GBF1: variants seen among roughly 807,000 people sequenced by gnomAD.
GBF1 encodes the protein Golgi-specific brefeldin A-resistance guanine nucleotide exchange factor 1.
GBF1 carries 114 observed loss-of-function variants against 210.5 expected under a neutral mutation model. That is an observed-to-expected ratio of 0.54 (90% CI 0.47 to 0.63). The LOEUF is 0.63. Ranked by LOEUF, GBF1 falls within the 30% of genes least tolerant of loss-of-function variation. The pLI, the probability that GBF1 is intolerant of heterozygous loss-of-function variation, is 0.00. For synonymous variants in GBF1, 850 were observed against 889.2 expected (o/e 0.96, Z 0.78); for missense variants, 1,851 against 2,357.7 (o/e 0.79, Z 4.45).
At chr10:102,289,394 G>C (rs899995212) in intron 3 of GBF1, among the ~76,000 whole-genome samples, 1 of 152,176 alleles carries the variant, frequency 6.6e-6, no homozygotes, top group African/African-American at 2.4e-5. Flanking sequence ...GAGAACAGGG[G>C]TGAGGTTGTT....
chr10:102,316,274 A>G (rs952089126), intron 3 of GBF1, among the ~76,000 whole-genome samples: 6 of 151,940 alleles, frequency 3.9e-5, no homozygotes, highest in African/African-American at 1.5e-4. Flanking sequence ...TTTAGTAGAG[A>G]TGGGATTTCA....
At position 102,366,191 on chromosome 10, in the gene GBF1, GC is replaced by G. The variant is rs1352928468; in HGVS notation, c.2310-191del. On this transcript the variant is annotated intron_variant, in intron 18 of 39. Transcript: ENST00000369983. This position sits in a 1 kb window ranked among gnomAD's most constrained non-coding sequence, Gnocchi z 4.0. Reference sequence around the variant, plus strand: ...GGGTTCCAGGGGGTGAGGGTTCTAGGCAAGAGTCCGTGGATGTGAAAAGTAT... The same window carrying G: ...GGGTTCCAGGGGGTGAGGGTTCTAGGAAGAGTCCGTGGATGTGAAAAGTAT... 1.1e-4 allele frequency among the ~76,000 whole-genome samples: 17 copies of G among 152,136 alleles called. No individual in the cohort carries two copies. Among genetic ancestry groups the G allele is most frequent in the Admixed American group, 1.1e-3 (17 of 15,266 alleles).
At chr10:102,367,698 C>T in intron 21 of GBF1, 138 bp downstream of exon 21, 1 of 658,798 alleles carries the variant, frequency 1.5e-6, no homozygotes, top group Non-Finnish European at 2.8e-6. Flanking sequence ...TGGGCAGCCC[C>T]CTCTCTGCCA....
At position 102,363,609 on chromosome 10, in the gene GBF1, C is replaced by T; in HGVS notation, c.2018-101C>T. ...TGGTGAGGACAAGATTTCTGAGGCT[C>T]CTTCTTGAAACTGGGGAGTATATTG... On this transcript the variant is annotated intron_variant, in intron 16 of 39. Coordinates refer to ENST00000369983, the MANE Select transcript of GBF1 (RefSeq NM_001377137.1). This position sits in a 1 kb window ranked among gnomAD's most constrained non-coding sequence, Gnocchi z 4.2. 2 of 856,968 alleles carry T rather than the reference C, an allele frequency of 2.3e-6. No individual in the cohort carries two copies. Among genetic ancestry groups the T allele is most frequent in the South Asian group, 1.5e-5 (1 of 66,594 alleles). 53.1% of individuals were successfully genotyped at this position (856,968 alleles called of 1,614,324 possible). A position where few individuals can be genotyped will look rare whatever the true frequency, so the allele number is the denominator to read the frequency against.
At chr10:102,258,872 G>T in intron 1 of GBF1, 57 bp from the exon 2 acceptor site, 1 of 845,156 alleles carries the variant, frequency 1.2e-6, no homozygotes, top group South Asian at 1.4e-5. Context: ...TTTTAAACTT[G>T]GGTATGCTTT....
At chr10:102,361,257 G>T in intron 13 of GBF1, 137 bp downstream of exon 13, 3 of 637,000 alleles carry the variant, frequency 4.7e-6, no homozygotes, top group African/African-American at 1.8e-5. Flanking sequence ...AGCCTCCAGA[G>T]TTCGGTTCAA....
In GBF1 at chr10:102,366,722, G is replaced by C. The variant is rs975284552; in HGVS notation, c.2433+216G>C. 2.6e-5 allele frequency among the ~76,000 whole-genome samples: 4 copies of C among 151,974 alleles called. No individual in the cohort carries two copies. Among genetic ancestry groups the C allele is most frequent in the Non-Finnish European group, 5.9e-5 (4 of 68,008 alleles). ...CTGCCTTAGCCTCCTGAGTAGCTGG[G>C]ATTTCAGGCACCTGCCACCAAGCCT... On this transcript the variant is annotated intron_variant, in intron 19 of 39. Coordinates refer to ENST00000369983, the MANE Select transcript of GBF1 (RefSeq NM_001377137.1). This position sits in a 1 kb window ranked among gnomAD's most constrained non-coding sequence, Gnocchi z 4.0.
chr10:102,368,197 C>T (rs1243799073), intron 21 of GBF1, 21 bp from the exon 22 acceptor site: 3 of 1,533,802 alleles, frequency 2.0e-6, no homozygotes, highest in East Asian at 2.2e-5. Context: ...TGCAACTGCT[C>T]CTTCCCTTAC....
At chr10:102,339,232 G>A (rs1355260828) in intron 3 of GBF1, among the ~76,000 whole-genome samples, 2 of 152,136 alleles carry the variant, frequency 1.3e-5, no homozygotes, top group East Asian at 1.9e-4. Context: ...ACGAGGTGGT[G>A]TGTGCCTGTA....
intron 8 of GBF1, among the ~76,000 whole-genome samples, chr10:102,355,128 C>T (rs1387037105): frequency 6.6e-6 from 1 of 152,048 alleles, no homozygotes; most frequent in Non-Finnish European, 1.5e-5. Flanking sequence ...CATATACCTG[C>T]CTTAGGAAGA....
At position 102,259,049 on chromosome 10, in the gene GBF1, G is replaced by T. The variant is rs1467479362; in HGVS notation, c.96+15G>T. 3.7e-6 allele frequency: 5 copies of T among 1,343,336 alleles called. No individual in the cohort carries two copies. Among genetic ancestry groups the T allele is most frequent in the Non-Finnish European group, 5.4e-6 (5 of 932,976 alleles). 83.2% of individuals were successfully genotyped at this position (1,343,336 alleles called of 1,614,324 possible). ...ATACACCACTGGTAAGTGGGAAATG[G>T]ATAAATAGCCTGGTCACTAAGTTTT... is the stretch of plus-strand genomic sequence containing the variant. On this transcript the variant is annotated intron_variant, in intron 2 of 39. Coordinates refer to ENST00000369983, the MANE Select transcript of GBF1 (RefSeq NM_001377137.1).
chr10:102,280,716 G>A (rs532342126), intron 3 of GBF1, among the ~76,000 whole-genome samples: 1 of 152,318 alleles, frequency 6.6e-6, no homozygotes, highest in East Asian at 1.9e-4. Flanking sequence ...AATAGAGGAA[G>A]CATGGATTAG....
chr10:102,357,187 G>A (rs1339772725), intron 8 of GBF1, among the ~76,000 whole-genome samples: 1 of 152,112 alleles, frequency 6.6e-6, no homozygotes, highest in Non-Finnish European at 1.5e-5. Flanking sequence ...AGAAATTCCA[G>A]AGAGTAAGAG....
At chr10:102,293,675 A>T (rs943518587) in intron 3 of GBF1, among the ~76,000 whole-genome samples, 1 of 151,994 alleles carries the variant, frequency 6.6e-6, no homozygotes, top group Non-Finnish European at 1.5e-5. Flanking sequence ...TTAACAAAAA[A>T]GTTTAAAAAG....
chr10:102,321,940 C>T lies in GBF1; in HGVS notation c.164-22111C>T, dbSNP rs1353415430. 2.0e-5 allele frequency among the ~76,000 whole-genome samples: 3 copies of T among 152,200 alleles called. No homozygotes were observed. The East Asian group carries it at 5.8e-4, about 29-fold the overall frequency. On this transcript the variant is annotated intron_variant, in intron 3 of 39. Transcript: ENST00000369983. ...GTGGTGCAGTCACAGCTCACTCTAG[C>T]CTCAACCTCCTGGGCTGAAGCAATC...
At chr10:102,300,772 C>T (rs1796765) in intron 3 of GBF1, among the ~76,000 whole-genome samples, 49,604 of 151,902 alleles carry the variant, frequency 0.33, 8,757 homozygotes, top group South Asian at 0.48. Flanking sequence ...CAGTTTGCTT[C>T]TTTTATAGCT....
intron 3 of GBF1, among the ~76,000 whole-genome samples, chr10:102,279,725 T>A (rs2075309412): frequency 6.6e-6 from 1 of 152,180 alleles, no homozygotes; most frequent in African/African-American, 2.4e-5. Flanking sequence ...TTCTTGAGAC[T>A]CAGGTTTTTT....
chr10:102,365,359 G>A, intron 17 of GBF1, 38 bp from the exon 18 acceptor site: 6 of 1,549,448 alleles, frequency 3.9e-6, no homozygotes, highest in Non-Finnish European at 5.3e-6. Flanking sequence ...TAATTTAGAG[G>A]CAAAGTAGCT....
At chr10:102,259,066 C>T (rs1437583549) in intron 2 of GBF1, 32 bp downstream of exon 2, 3 of 1,136,452 alleles carry the variant, frequency 2.6e-6, no homozygotes, top group Non-Finnish European at 4.0e-6. Flanking sequence ...AGCCTGGTCA[C>T]TAAGTTTTTA....
Sources: gnomAD v4.1 joint callset for allele counts (sites outside exome capture counted in the v4.1 genomes callset) on GRCh38, gnomAD v4.1.1 for gene constraint, Gnocchi (gnomAD v3.1) non-coding constraint, MANE v1.5 for transcripts, NCBI Gene and HGNC (gene_info 2026-07-23, HGNC 2026-07-21) for gene names.